SIPA1L2: variants seen among roughly 807,000 people sequenced by gnomAD.
SIPA1L2 encodes signal induced proliferation associated 1 like 2, also known as signal-induced proliferation-associated 1-like protein 2.
A neutral mutation model predicts 163.9 loss-of-function variants in SIPA1L2; 56 were observed. The observed-to-expected ratio is 0.34, with a 90% CI of 0.28 to 0.43. The LOEUF (loss-of-function observed/expected upper bound fraction) is 0.43, where lower values mean the gene tolerates loss of function less well. Ranked by LOEUF, SIPA1L2 falls within the 20% of genes least tolerant of loss-of-function variation. SIPA1L2 has a pLI of 1.00. For missense variants in SIPA1L2, 1,974 were observed against 2,193.5 expected, an observed-to-expected ratio of 0.90 and a Z score of 2.00; for synonymous variants, 877 against 865.7, an observed-to-expected ratio of 1.01 and a Z score of -0.23.
intron 11 of SIPA1L2, among the ~76,000 whole-genome samples, chr1:232,445,147 T>C (rs1663137803): frequency 6.6e-6 from 1 of 152,244 alleles, no homozygotes; most frequent in African/African-American, 2.4e-5. Context: ...CACATTATGA[T>C]GATATTTAAG....
At chr1:232,469,140 G>GT (rs1472933223) in intron 8 of SIPA1L2, among the ~76,000 whole-genome samples, 3 of 152,222 alleles carry the variant, frequency 2.0e-5, no homozygotes, top group Non-Finnish European at 4.4e-5. Flanking sequence ...TCTGACAGCT[G>GT]TAAGGCCTAT....
chr1:232,433,635 G>A (rs1028450403), intron 15 of SIPA1L2, among the ~76,000 whole-genome samples: 1 of 152,202 alleles, frequency 6.6e-6, no homozygotes, highest in Non-Finnish European at 1.5e-5. Flanking sequence ...ACCCCCGGCT[G>A]ACTGAGAAAT....
Position 232,461,163 on chromosome 1 carries a change from T to A in SIPA1L2, c.2821-2A>T. ...AGTCTCGCAGCCTCTCGTCACTATC[T>A]AAGGGGGAAGGAGACTGTTAGAGAT... On this transcript the variant is annotated splice_acceptor_variant, in intron 9 of 22. Coordinates refer to ENST00000674635, the MANE Select transcript of SIPA1L2 (RefSeq NM_020808.5). LOFTEE classifies it high-confidence loss of function. The A allele has an allele frequency of 6.2e-7, 1 of 1,613,320 alleles. No individual in the cohort carries two copies. The highest frequency in any genetic ancestry group is 1.1e-5 in the South Asian group (1 of 90,964).
At chr1:232,560,079 C>T (rs1445986076) in intron 2 of SIPA1L2, among the ~76,000 whole-genome samples, 1 of 152,186 alleles carries the variant, frequency 6.6e-6, no homozygotes, top group East Asian at 1.9e-4. Flanking sequence ...TTTCAGGGCC[C>T]ACAAAGGAAC....
chr1:232,514,386 C>T lies in SIPA1L2; in HGVS notation c.954G>A (p.Arg318=), dbSNP rs763410705. 6.2e-7 allele frequency: 1 copy of T among 1,613,924 alleles called. No individual in the cohort carries two copies. Among genetic ancestry groups the T allele is most frequent in the Admixed American group, 1.7e-5 (1 of 60,028 alleles). The change falls in exon 3 of 23, where the codon AGG becomes AGA. Residue 318 remains arginine, a synonymous_variant. Transcript: ENST00000674635. ...TSELEESRLE[R]GIRPWNCQRC... is the part of the protein sequence containing the mutation. ...GCTGACAATTCCAAGGGCGAATGCC[C>T]CTCTCCAGTCGGCTCTCCTCCAGCT...
At chr1:232,538,247 T>C (rs897988130) in intron 2 of SIPA1L2, among the ~76,000 whole-genome samples, 2 of 152,136 alleles carry the variant, frequency 1.3e-5, no homozygotes, top group Non-Finnish European at 2.9e-5. Context: ...CATGGGGCTG[T>C]TGAGGGCATG....
chr1:232,602,965 C>T (rs548241234), intron 1 of SIPA1L2, among the ~76,000 whole-genome samples: 1 of 152,302 alleles, frequency 6.6e-6, no homozygotes, highest in Non-Finnish European at 1.5e-5. Context: ...AGCTAGAAAG[C>T]TATTTCAAAA....
intron 15 of SIPA1L2, among the ~76,000 whole-genome samples, chr1:232,438,890 A>C (rs914037411): frequency 5.4e-5 from 4 of 73,640 alleles, no homozygotes; most frequent in Non-Finnish European, 1.0e-4. Context: ...ACTTAATAGG[A>C]AAAAAAAAAA....
chr1:232,490,675 T>C, intron 5 of SIPA1L2, 199 bp downstream of exon 5: 1 of 517,264 alleles, frequency 1.9e-6, no homozygotes, highest in East Asian at 3.4e-5. Context: ...AAATCACAAC[T>C]CAGCAGGAGG....
intron 2 of SIPA1L2, among the ~76,000 whole-genome samples, chr1:232,554,595 AACG>A (rs747561595): frequency 6.6e-6 from 1 of 152,204 alleles, no homozygotes; most frequent in Non-Finnish European, 1.5e-5. Flanking sequence ...CGAAGAATGA[AACG>A]ACGACTTATT....
intron 2 of SIPA1L2, among the ~76,000 whole-genome samples, chr1:232,549,441 G>C (rs1658248753): frequency 1.3e-5 from 2 of 152,182 alleles, no homozygotes; most frequent in Non-Finnish European, 2.9e-5. Flanking sequence ...AAGGTATATA[G>C]AATTAAAGCT....
At chr1:232,532,981 T>TA (rs1225754460) in intron 2 of SIPA1L2, among the ~76,000 whole-genome samples, 2 of 152,120 alleles carry the variant, frequency 1.3e-5, no homozygotes, top group Non-Finnish European at 2.9e-5. Flanking sequence ...ATAATGACAT[T>TA]AGCTGTACAG....
intron 2 of SIPA1L2, among the ~76,000 whole-genome samples, chr1:232,531,419 C>G (rs1037952474): frequency 6.6e-6 from 1 of 152,198 alleles, no homozygotes; most frequent in African/African-American, 2.4e-5. Flanking sequence ...GCTGGCTTAG[C>G]CATGTACTCA....
rs368979783 is a variant in SIPA1L2 at position 232,514,020 on chromosome 1, G to A, written c.1320C>T (p.Cys440=). ...GAGAGCTGAGTGACGATTCGAAAGA[G>A]CAGCTTTCCCCAGAACTGAAAGAGG... is the stretch of plus-strand genomic sequence containing the variant. The part of the protein sequence containing the change: ...NSSSFSSGES[C]SFESSLSSHC... Residue 440 remains cysteine (C), a synonymous_variant, in exon 3 of 23, where the codon TGC becomes TGT. Transcript: ENST00000674635. 4 of 1,614,102 alleles carry A rather than the reference G, an allele frequency of 2.5e-6. No homozygotes were observed. In the African/African-American group the frequency reaches 5.3e-5, roughly 22 times the overall value.
At position 232,626,449 on chromosome 1, in the gene SIPA1L2, A is replaced by T. The variant is rs927935900; in HGVS notation, c.-319+3420T>A. On this transcript the variant is annotated intron_variant, in intron 1 of 22. Coordinates refer to ENST00000674635, the MANE Select transcript of SIPA1L2 (RefSeq NM_020808.5). ...GGTTGCACTAAATATGAAATCTCTC[A>T]AGAAGCAGAACCTCAACAGTGAGTC... Among the ~76,000 whole-genome samples the T allele has an allele frequency of 4.4e-4, 67 of 152,130 alleles. 1 individual carries two copies. Among genetic ancestry groups the T allele is most frequent in the Non-Finnish European group, 2.9e-5 (2 of 68,024 alleles).
chr1:232,597,195 G>A (rs867228072), intron 1 of SIPA1L2, among the ~76,000 whole-genome samples: 6 of 152,090 alleles, frequency 3.9e-5, no homozygotes, highest in East Asian at 1.9e-4. Flanking sequence ...ACAATGCACC[G>A]ATGAATACAG....
intron 2 of SIPA1L2, among the ~76,000 whole-genome samples, chr1:232,570,818 G>A (rs2088901938): frequency 6.6e-6 from 1 of 151,698 alleles, no homozygotes; most frequent in Admixed American, 6.6e-5. Context: ...ATTTAGATCT[G>A]CAACTCATAC....
chr1:232,503,027 C>T (rs1368166430), intron 3 of SIPA1L2, among the ~76,000 whole-genome samples: 2 of 152,156 alleles, frequency 1.3e-5, no homozygotes, highest in Admixed American at 6.5e-5. Context: ...CAGAGGACAA[C>T]GAGCAAGGCT....
At chr1:232,539,114 T>C (rs577429074) in intron 2 of SIPA1L2, among the ~76,000 whole-genome samples, 1 of 152,348 alleles carries the variant, frequency 6.6e-6, no homozygotes, top group South Asian at 2.1e-4. Context: ...TGTTTATTCA[T>C]CATCTTCGGT....
Sources: allele counts gnomAD v4.1 joint callset (sites outside exome capture counted in the v4.1 genomes callset), GRCh38; gene constraint gnomAD v4.1.1; transcripts MANE v1.5; gene names NCBI Gene and HGNC (gene_info 2026-07-23, HGNC 2026-07-21).